The following GJB6 variants were observed in gnomAD, a reference collection of about 807,000 sequenced individuals.
GJB6 encodes gap junction protein beta 6, also known as gap junction beta-6 protein.
A neutral mutation model predicts 5.4 loss-of-function variants in GJB6; 5 were observed. That is an observed-to-expected ratio of 0.92 (90% CI 0.48 to 1.93). GJB6 has a LOEUF of 1.93. GJB6 is among the 30% of genes most tolerant of loss of function. The pLI is 0.01. For missense variants in GJB6, 298 were observed against 326.9 expected (o/e 0.91, Z 0.68); for synonymous variants, 136 against 129.6 (o/e 1.05, Z -0.34).
At chr13:20,228,693 C>G (rs191944879) in intron 4 of GJB6, among the ~76,000 whole-genome samples, 469 of 36,158 alleles carry the variant, frequency 0.013, 9 homozygotes, top group African/African-American at 0.021. Context: ...ACCGTGTTAG[C>G]CAGGATGGTC....
At chr13:20,224,941 C>G (rs1346514438) in intron 4 of GJB6, among the ~76,000 whole-genome samples, 1 of 152,186 alleles carries the variant, frequency 6.6e-6, no homozygotes, top group Non-Finnish European at 1.5e-5. Context: ...GCCCACACAC[C>G]TGCCCCTCTG....
Position 20,223,684 on chromosome 13 carries a change from GGC to G in GJB6, c.-15-191_-15-190del, listed in dbSNP as rs573850279. 9.9e-5 allele frequency among the ~76,000 whole-genome samples: 15 copies of G among 152,282 alleles called. No homozygotes were observed. The East Asian group carries it at 2.7e-3, about 27-fold the overall frequency. ...CCACCCTGAAAGCATTCTCATGTTT[GGC>G]CAGGTGTGGTGGCTCACGCCTGGAA... On this transcript the variant is annotated intron_variant, in intron 4 of 4. Coordinates refer to ENST00000647029, the MANE Select transcript of GJB6 (RefSeq NM_001110219.3).
intron 4 of GJB6, among the ~76,000 whole-genome samples, chr13:20,228,734 T>A (rs1478255867): frequency 2.0e-5 from 3 of 151,948 alleles, no homozygotes; most frequent in Non-Finnish European, 2.9e-5. Context: ...TCCGCCCCCC[T>A]TGGCCTCCCA....
intron 4 of GJB6, among the ~76,000 whole-genome samples, chr13:20,227,649 C>T (rs1007463808): frequency 6.6e-6 from 1 of 152,212 alleles, no homozygotes; most frequent in Non-Finnish European, 1.5e-5. Flanking sequence ...GGCTCACCAA[C>T]CAGCTCCGGG....
intron 4 of GJB6, among the ~76,000 whole-genome samples, chr13:20,226,876 C>T (rs1039778897): frequency 1.3e-5 from 2 of 152,210 alleles, no homozygotes; most frequent in Non-Finnish European, 1.5e-5. Context: ...AATTTAACCT[C>T]CCCAGCAGGT....
At chr13:20,230,658 T>C (rs1444643015) in intron 3 of GJB6, 40 bp downstream of exon 3, 1 of 152,198 alleles carries the variant, frequency 6.6e-6, no homozygotes, top group Non-Finnish European at 1.5e-5. Context: ...TTTTATCCCA[T>C]TTAACATTTA....
chr13:20,228,449 G>A (rs1282764633), intron 4 of GJB6, among the ~76,000 whole-genome samples: 7 of 149,982 alleles, frequency 4.7e-5, no homozygotes, highest in Non-Finnish European at 1.0e-4. Context: ...ACTCGATGCT[G>A]TTTTTTCTTG....
intron 4 of GJB6, among the ~76,000 whole-genome samples, chr13:20,226,555 G>T (rs1253456162): frequency 6.6e-6 from 1 of 152,126 alleles, no homozygotes; most frequent in Non-Finnish European, 1.5e-5. Flanking sequence ...TAAATGATAT[G>T]ATTTGTAAAA....
intron 4 of GJB6, chr13:20,225,632 G>A (rs1054384791): frequency 1.3e-5 from 2 of 152,184 alleles, no homozygotes; most frequent in African/African-American, 4.8e-5. Context: ...TGAAAAGAGG[G>A]GCCCAATTCC....
intron 4 of GJB6, among the ~76,000 whole-genome samples, chr13:20,226,913 T>C (rs1869620544): frequency 6.6e-6 from 1 of 152,186 alleles, no homozygotes; most frequent in East Asian, 1.9e-4. Context: ...CTCGGTTCTC[T>C]AGCCCGTGGC....
chr13:20,228,867 T>G (rs993468906), intron 4 of GJB6, among the ~76,000 whole-genome samples: 2 of 152,134 alleles, frequency 1.3e-5, no homozygotes, highest in African/African-American at 4.8e-5. Context: ...CTTTTGAGGA[T>G]CCACACAGCA....
chr13:20,229,137 AAAAAAAAAAAAAAT>A (rs1170603323), intron 4 of GJB6, among the ~76,000 whole-genome samples: 1 of 143,714 alleles, frequency 7.0e-6, no homozygotes, highest in Non-Finnish European at 1.5e-5. Flanking sequence ...AAAAAAAAAA[AAAAAAAAAAAAAAT>A]TTTTTTTTTT....
rs772501788 is a variant in GJB6, at chr13:20,222,654, G to A, written c.*41C>T. 6.4e-7 allele frequency: 1 copy of A among 1,567,174 alleles called. No individual in the cohort carries two copies. The highest frequency in any genetic ancestry group is 1.1e-5 in the South Asian group (1 of 90,112). ...TTGGTATTGCCTTCTGGAGAAGACAGAAGTCTCCTTATGACGCAGCTACAT... is the reference window on the plus strand; with the variant it reads ...TTGGTATTGCCTTCTGGAGAAGACAAAAGTCTCCTTATGACGCAGCTACAT... On this transcript the variant is annotated 3_prime_UTR_variant, in exon 5 of 5. Transcript: ENST00000647029.
At chr13:20,227,657 G>A (rs543460299) in intron 4 of GJB6, among the ~76,000 whole-genome samples, 2 of 152,292 alleles carry the variant, frequency 1.3e-5, no homozygotes, top group South Asian at 2.1e-4. Flanking sequence ...AACCAGCTCC[G>A]GGGATCTGCC....
At chr13:20,228,009 GC>G (rs35677174) in intron 4 of GJB6, among the ~76,000 whole-genome samples, 78,726 of 151,978 alleles carry the variant, frequency 0.52, 20,675 homozygotes, top group Admixed American at 0.62. Context: ...CAAAGAAAGC[GC>G]CCAGCCCCCA....
chr13:20,224,860 T>C (rs957520312), intron 4 of GJB6, among the ~76,000 whole-genome samples: 2 of 152,186 alleles, frequency 1.3e-5, no homozygotes, highest in African/African-American at 4.8e-5. Flanking sequence ...TAGACTTTCT[T>C]ATCCCTGAGT....
At chr13:20,231,275 G>A (rs907633120) in intron 2 of GJB6, 107 bp downstream of exon 2, 1 of 152,234 alleles carries the variant, frequency 6.6e-6, no homozygotes, top group Non-Finnish European at 1.5e-5. Flanking sequence ...ACTAAACAGA[G>A]TGCACGCCCA....
chr13:20,225,217 T>A (rs949364144), intron 4 of GJB6: 1 of 152,266 alleles, frequency 6.6e-6, no homozygotes, highest in Non-Finnish European at 1.5e-5. Context: ...CAACCACCAT[T>A]CTACTTTCTG....
chr13:20,229,271 C>G (rs563333045), intron 4 of GJB6, among the ~76,000 whole-genome samples: 1 of 148,264 alleles, frequency 6.7e-6, no homozygotes, highest in South Asian at 2.2e-4. Context: ...GCTTCAGCCT[C>G]CTGAATAGCT....
Sources: gnomAD v4.1 joint callset for allele counts (sites outside exome capture counted in the v4.1 genomes callset) on GRCh38, gnomAD v4.1.1 for gene constraint, MANE v1.5 for transcripts, NCBI Gene and HGNC (gene_info 2026-07-23, HGNC 2026-07-21) for gene names.